TFAP2D: variants seen among roughly 807,000 people sequenced by gnomAD.
TFAP2D encodes the protein transcription factor AP-2-delta.
A neutral mutation model predicts 43.6 loss-of-function variants in TFAP2D; 9 were observed. The ratio of observed to expected loss-of-function variants is 0.21; its 90% confidence interval spans 0.12 to 0.36. The LOEUF is 0.36. TFAP2D is among the 10% of genes least tolerant of loss of function. The pLI is 1.00. For synonymous variants in TFAP2D, 256 were observed against 224.9 expected (o/e 1.14, Z -1.24); for missense variants, 513 against 561.4 (o/e 0.91, Z 0.87).
At chr6:50,753,106 A>G (rs1769221525) in intron 7 of TFAP2D, among the ~76,000 whole-genome samples, 1 of 151,882 alleles carries the variant, frequency 6.6e-6, no homozygotes, top group South Asian at 2.1e-4. Flanking sequence ...TAATAAAAGG[A>G]TTTATAATTT....
chr6:50,745,542 A>C (rs1286942407), intron 6 of TFAP2D, among the ~76,000 whole-genome samples: 1 of 152,174 alleles, frequency 6.6e-6, no homozygotes, highest in Non-Finnish European at 1.5e-5. Context: ...GGAAATGTAG[A>C]TCCCAGGCAA....
chr6:50,714,225 TA>T, intron 1 of TFAP2D, 131 bp downstream of exon 1: 1 of 1,024,688 alleles, frequency 9.8e-7, no homozygotes, highest in Middle Eastern at 2.9e-4. Context: ...CGTTTAATTA[TA>T]ATCTGTCTTT....
At chr6:50,757,495 T>TTCTATATATATAGAATAC (rs1561940234) in intron 7 of TFAP2D, among the ~76,000 whole-genome samples, 2 of 77,598 alleles carry the variant, frequency 2.6e-5, no homozygotes, top group African/African-American at 1.1e-4. Flanking sequence ...ATATATAATA[T>TTCTATATATATAGAATAC]ATATAATTAT....
chr6:50,764,932 T>C (rs894182756), intron 7 of TFAP2D, among the ~76,000 whole-genome samples: 4 of 152,190 alleles, frequency 2.6e-5, no homozygotes, highest in African/African-American at 9.7e-5. Context: ...TGACAACACT[T>C]AAGATATACT....
intron 3 of TFAP2D, among the ~76,000 whole-genome samples, chr6:50,719,814 T>A (rs551915731): frequency 6.6e-6 from 1 of 152,270 alleles, no homozygotes; most frequent in East Asian, 1.9e-4. Context: ...GAGGGAAACA[T>A]CTGAATCCAG....
intron 3 of TFAP2D, among the ~76,000 whole-genome samples, chr6:50,720,547 G>C (rs1199742063): frequency 3.4e-5 from 5 of 145,380 alleles, no homozygotes; most frequent in Admixed American, 2.1e-4. Flanking sequence ...ACATATACGT[G>C]GTATAACTCC....
intron 5 of TFAP2D, among the ~76,000 whole-genome samples, chr6:50,731,650 T>A (rs1399870502): frequency 6.6e-6 from 1 of 152,078 alleles, no homozygotes; most frequent in Non-Finnish European, 1.5e-5. Flanking sequence ...GAGGAGAACA[T>A]AATCTTTGAC....
chr6:50,747,956 C>T (rs1769148148), intron 6 of TFAP2D, among the ~76,000 whole-genome samples: 1 of 151,802 alleles, frequency 6.6e-6, no homozygotes, highest in South Asian at 2.1e-4. Flanking sequence ...ATTTGCAGAC[C>T]ATTAAATGTC....
At chr6:50,763,263 T>C (rs545884418) in intron 7 of TFAP2D, among the ~76,000 whole-genome samples, 7 of 152,256 alleles carry the variant, frequency 4.6e-5, no homozygotes, top group Admixed American at 4.6e-4. Flanking sequence ...TGTTAATTAA[T>C]GTGTCCAGCA....
chr6:50,742,088 A>G (rs1769053689), intron 5 of TFAP2D, among the ~76,000 whole-genome samples: 2 of 152,076 alleles, frequency 1.3e-5, no homozygotes, highest in Non-Finnish European at 2.9e-5. Context: ...AAAGGACTTA[A>G]CTATAGATTT....
At chr6:50,750,363 T>C (rs1003819103) in intron 6 of TFAP2D, among the ~76,000 whole-genome samples, 7 of 152,014 alleles carry the variant, frequency 4.6e-5, no homozygotes, top group African/African-American at 1.7e-4. Flanking sequence ...CACCTCACTT[T>C]AGATGATGGA....
At chr6:50,767,043 A>C (rs1165630921) in intron 7 of TFAP2D, among the ~76,000 whole-genome samples, 1 of 152,176 alleles carries the variant, frequency 6.6e-6, no homozygotes, top group Admixed American at 6.5e-5. Context: ...TTTTTGTATC[A>C]TGCAACTTTA....
chr6:50,714,922 ACCCC>A (rs1768590735), intron 1 of TFAP2D, among the ~76,000 whole-genome samples, 190 bp from the exon 2 acceptor site: 2 of 151,674 alleles, frequency 1.3e-5, no homozygotes, highest in African/African-American at 4.8e-5. Flanking sequence ...GAGGCCGCCC[ACCCC>A]CAGTTCGCCT....
At chr6:50,719,561 T>C (rs932637217) in intron 3 of TFAP2D, among the ~76,000 whole-genome samples, 1 of 152,192 alleles carries the variant, frequency 6.6e-6, no homozygotes, top group Non-Finnish European at 1.5e-5. Flanking sequence ...GAATTTCTGG[T>C]CTTTTTAAGC....
rs556599379 is a variant in TFAP2D, at chr6:50,745,243, G to T, written c.1020G>T (p.Ala340=). The T allele has an allele frequency of 1.9e-6, 3 of 1,613,328 alleles. No homozygotes were observed. Among genetic ancestry groups the T allele is most frequent in the Middle Eastern group, 1.7e-4 (1 of 6,054 alleles). The change falls in exon 6 of 8, where the codon GCG becomes GCT. Residue 340 remains alanine (A), a synonymous_variant. Coordinates refer to ENST00000008391, the MANE Select transcript of TFAP2D (RefSeq NM_172238.4). The part of the protein sequence containing the change: ...EQTARKKMIL[A]TKQICKEFQD... ...CAGCAAGAAAAAAGATGATCCTGGC[G>T]ACCAAGTAAGCAGAATGGGGAAACC...
At chr6:50,725,174 C>T (rs1307424676) in intron 3 of TFAP2D, among the ~76,000 whole-genome samples, 1 of 152,180 alleles carries the variant, frequency 6.6e-6, no homozygotes, top group Non-Finnish European at 1.5e-5. Flanking sequence ...CAAGATATGG[C>T]AGCTGGAGGA....
chr6:50,725,857 G>A (rs1343302351), intron 3 of TFAP2D, among the ~76,000 whole-genome samples: 1 of 152,110 alleles, frequency 6.6e-6, no homozygotes, highest in Non-Finnish European at 1.5e-5. Flanking sequence ...TCTACAAGTT[G>A]CCAAATCTTT....
chr6:50,726,566 A>G (rs544308412), intron 3 of TFAP2D, among the ~76,000 whole-genome samples: 3 of 152,318 alleles, frequency 2.0e-5, no homozygotes, highest in African/African-American at 7.2e-5. Context: ...GAAGAGGGCT[A>G]TGTGAATTTT....
intron 5 of TFAP2D, among the ~76,000 whole-genome samples, chr6:50,737,179 A>G (rs1768976196): frequency 6.6e-6 from 1 of 152,006 alleles, no homozygotes; most frequent in African/African-American, 2.4e-5. Flanking sequence ...TGGGGATCTC[A>G]CTTTTTTGCC....
Sources: allele counts gnomAD v4.1 joint callset (sites outside exome capture counted in the v4.1 genomes callset), GRCh38; gene constraint gnomAD v4.1.1; transcripts MANE v1.5; gene names NCBI Gene and HGNC (gene_info 2026-07-23, HGNC 2026-07-21).